DPYD: variants seen among roughly 807,000 people sequenced by gnomAD.
The protein encoded by DPYD is dihydropyrimidine dehydrogenase [NADP(+)].
A neutral mutation model predicts 116.2 loss-of-function variants in DPYD; 109 were observed. The ratio of observed to expected loss-of-function variants is 0.94; its 90% CI spans 0.80 to 1.10. DPYD has a LOEUF of 1.10. Ranked by LOEUF, DPYD falls within the 50% of genes least tolerant of loss-of-function variation. The pLI, the probability that DPYD is intolerant of heterozygous loss-of-function variation, is 0.00. For missense variants in DPYD, 1,302 were observed against 1,254.5 expected (o/e 1.04, Z -0.57); for synonymous variants, 440 against 432.0 (o/e 1.02, Z -0.23).
intron 14 of DPYD, among the ~76,000 whole-genome samples, chr1:97,385,738 C>G (rs1037350066): frequency 2.0e-5 from 3 of 151,866 alleles, no homozygotes; most frequent in Non-Finnish European, 4.4e-5. Flanking sequence ...TGAATCTAGC[C>G]AGGCAGATGG....
At chr1:97,333,135 A>G (rs1669106011) in intron 16 of DPYD, among the ~76,000 whole-genome samples, 2 of 148,446 alleles carry the variant, frequency 1.3e-5, no homozygotes, top group Admixed American at 6.8e-5. Context: ...TGCTCACTGC[A>G]ACCTCCGCCT....
chr1:97,153,270 A>G (rs1050573164), intron 20 of DPYD, among the ~76,000 whole-genome samples: 1 of 152,152 alleles, frequency 6.6e-6, no homozygotes, highest in African/African-American at 2.4e-5. Context: ...GAAAAAGAGA[A>G]TAACAGCTGC....
rs554020621 is a variant in DPYD at position 97,503,127 on chromosome 1, T to C, written c.1740+12599A>G. 1.1e-3 allele frequency among the ~76,000 whole-genome samples: 169 copies of C among 152,162 alleles called. 1 individual carries two copies. Among genetic ancestry groups the C allele is most frequent in the East Asian group, 5.8e-4 (3 of 5,154 alleles). The stretch of plus-strand genomic sequence containing the variant: ...TAGCCTTCTGCATGCAAGCTTGTTT[T>C]TCTCTTTTCATATTATAATACTTAA... On this transcript the variant is annotated intron_variant, in intron 13 of 22. Transcript: ENST00000370192.
At chr1:97,846,175 G>C (rs1670292731) in intron 2 of DPYD, among the ~76,000 whole-genome samples, 1 of 152,190 alleles carries the variant, frequency 6.6e-6, no homozygotes, top group Admixed American at 6.5e-5. Flanking sequence ...TTTCCGGCTG[G>C]TGAAGTGACA....
chr1:97,782,344 T>C (rs1203373848), intron 3 of DPYD, among the ~76,000 whole-genome samples: 25 of 152,306 alleles, frequency 1.6e-4, no homozygotes. Flanking sequence ...CACTATCCCA[T>C]TTTCTTCTGT....
chr1:97,678,525 G>A (rs182392060), intron 8 of DPYD, among the ~76,000 whole-genome samples: 41 of 152,226 alleles, frequency 2.7e-4, no homozygotes, highest in African/African-American at 9.9e-4. Flanking sequence ...ACACTAAGTG[G>A]AAGAAAAATG....
chr1:97,886,930 T>C (rs1042087651), intron 1 of DPYD, among the ~76,000 whole-genome samples: 1 of 151,534 alleles, frequency 6.6e-6, no homozygotes, highest in Non-Finnish European at 1.5e-5. Context: ...AGGCCCAAAT[T>C]TAACTGAATC....
At chr1:97,655,065 T>C (rs961374332) in intron 8 of DPYD, among the ~76,000 whole-genome samples, 1 of 152,182 alleles carries the variant, frequency 6.6e-6, no homozygotes, top group Non-Finnish European at 1.5e-5. Context: ...GTAGGAATTA[T>C]GGGAACTACA....
In DPYD at chr1:97,393,539, C is replaced by T. The variant is rs1352580020; in HGVS notation, c.1906-11078G>A. On this transcript the variant is annotated intron_variant, in intron 14 of 22. Transcript: ENST00000370192. ...GTTCCCACCTATGAGTGAGAACATG[C>T]GGTGTTTGGTTTTCTGTCCTTGGGA... 5.9e-5 allele frequency among the ~76,000 whole-genome samples: 9 copies of T among 151,694 alleles called. No homozygotes were observed. The South Asian group carries it at 6.2e-4, about 11-fold the overall frequency.
intron 20 of DPYD, among the ~76,000 whole-genome samples, chr1:97,189,261 C>A (rs906180557): frequency 1.3e-5 from 2 of 152,120 alleles, no homozygotes; most frequent in East Asian, 1.9e-4. Flanking sequence ...AGGAAGGAGA[C>A]ATTAATTCTA....
rs145496416 is a variant in DPYD, at chr1:97,815,401, A to C, written c.233+12713T>G. On this transcript the variant is annotated intron_variant, in intron 3 of 22. Transcript: ENST00000370192. ...ATATGTCAATATTTAGACATTGAAA[A>C]GAGGAGGACATAGCTGCCAAGGAGA... is the stretch of plus-strand genomic sequence containing the variant. Among the ~76,000 whole-genome samples the C allele has an allele frequency of 9.1e-3, 1,391 of 152,322 alleles. 22 individuals carry two copies. Among genetic ancestry groups the C allele is most frequent in the African/African-American group, 0.031 (1,287 of 41,558 alleles).
intron 21 of DPYD, among the ~76,000 whole-genome samples, chr1:97,096,834 C>T (rs1041302867): frequency 1.3e-5 from 2 of 152,120 alleles, no homozygotes; most frequent in African/African-American, 4.8e-5. Flanking sequence ...GCTGTGGAAG[C>T]TTTGTTCTTT....
chr1:97,385,935 G>C (rs1043641267), intron 14 of DPYD, among the ~76,000 whole-genome samples: 2 of 152,116 alleles, frequency 1.3e-5, no homozygotes, highest in African/African-American at 4.8e-5. Context: ...TCACCCTGTA[G>C]GTTGCTGAGA....
intron 19 of DPYD, among the ~76,000 whole-genome samples, chr1:97,206,362 C>G (rs1659601938): frequency 6.6e-6 from 1 of 151,812 alleles, no homozygotes; most frequent in South Asian, 2.1e-4. Context: ...GTTTTAAACC[C>G]TGTTCAAAAT....
intron 15 of DPYD, among the ~76,000 whole-genome samples, chr1:97,375,832 A>G (rs995319839): frequency 7.2e-5 from 11 of 152,236 alleles, no homozygotes; most frequent in Non-Finnish European, 1.6e-4. Flanking sequence ...GTTACTTCAA[A>G]TATTTCCTGT....
rs150647982 is a variant in DPYD at position 97,402,190 on chromosome 1, T to G, written c.1906-19729A>C. 7.9e-5 allele frequency among the ~76,000 whole-genome samples: 12 copies of G among 152,204 alleles called. 1 individual carries two copies. The East Asian group carries it at 2.3e-3, about 30-fold the overall frequency. ...GCGGGGATTTCTACTGTGATTACAT[T>G]GCATCTATAGATCAAGCTGGGAAGA... On this transcript the variant is annotated intron_variant, in intron 14 of 22. Coordinates refer to ENST00000370192, the MANE Select transcript of DPYD (RefSeq NM_000110.4).
At chr1:97,654,651 T>C (rs1296364454) in intron 8 of DPYD, among the ~76,000 whole-genome samples, 2 of 152,186 alleles carry the variant, frequency 1.3e-5, no homozygotes, top group Admixed American at 1.3e-4. Context: ...TACATTGTTC[T>C]ATTTGTCAGA....
At chr1:97,818,299 G>A (rs1463338302) in intron 3 of DPYD, among the ~76,000 whole-genome samples, 1 of 151,886 alleles carries the variant, frequency 6.6e-6, no homozygotes, top group Non-Finnish European at 1.5e-5. Context: ...ACAAACCAAT[G>A]CTTAGATTAA....
intron 3 of DPYD, among the ~76,000 whole-genome samples, chr1:97,816,407 A>G (rs1668608638): frequency 6.6e-6 from 1 of 152,192 alleles, no homozygotes; most frequent in African/African-American, 2.4e-5. Flanking sequence ...AATTCTTTAG[A>G]TAATTCCATG....
Sources: gnomAD v4.1 joint callset for allele counts (sites outside exome capture counted in the v4.1 genomes callset) on GRCh38, gnomAD v4.1.1 for gene constraint, MANE v1.5 for transcripts, NCBI Gene and HGNC (gene_info 2026-07-23, HGNC 2026-07-21) for gene names.